PARD3B: variants seen among roughly 807,000 people sequenced by gnomAD.
PARD3B encodes partitioning defective 3 homolog B.
Under a neutral mutation model 130.2 loss-of-function variants are expected in PARD3B, and 103 were observed. The observed-to-expected ratio is 0.79, with a 90% confidence interval of 0.67 to 0.93. The LOEUF (loss-of-function observed/expected upper bound fraction) is 0.93. Among genes scored for constraint, PARD3B ranks in the 40% least tolerant of loss-of-function variants. The pLI, the probability that PARD3B is intolerant of heterozygous loss-of-function variation, is 0.00. For missense variants in PARD3B, 1,609 were observed against 1,499.2 expected (o/e 1.07, Z -1.21); for synonymous variants, 583 against 553.2 (o/e 1.05, Z -0.76).
At chr2:205,519,310 T>G (rs369923164) in intron 21 of PARD3B, among the ~76,000 whole-genome samples, 37 of 152,360 alleles carry the variant, frequency 2.4e-4, no homozygotes, top group African/African-American at 8.9e-4. Context: ...TCTGACTGTC[T>G]TATTTCAAGA....
intron 10 of PARD3B, among the ~76,000 whole-genome samples, chr2:205,145,185 G>T (rs559042329): frequency 3.5e-4 from 54 of 152,160 alleles, no homozygotes; most frequent in Non-Finnish European, 6.9e-4. Flanking sequence ...AGGTGGCTGT[G>T]TAGAACACTC....
Position 204,584,304 on chromosome 2 carries a change from G to A in PARD3B, c.120+38185G>A, listed in dbSNP as rs913307490. 7.2e-5 allele frequency among the ~76,000 whole-genome samples: 11 copies of A among 152,034 alleles called. 1 individual carries two copies. Among genetic ancestry groups the A allele is most frequent in the South Asian group, 4.1e-4 (2 of 4,820 alleles). On this transcript the variant is annotated intron_variant, in intron 1 of 22. Coordinates refer to ENST00000406610, the MANE Select transcript of PARD3B (RefSeq NM_001302769.2). Reference sequence around the variant, plus strand: ...CAGTCTAGCTACTGGGAATTTTTGCGGTAATTGAATATTTAGACATTGAGT... The same window carrying A: ...CAGTCTAGCTACTGGGAATTTTTGCAGTAATTGAATATTTAGACATTGAGT...
At chr2:204,815,079 T>A (rs573264600) in intron 2 of PARD3B, among the ~76,000 whole-genome samples, 8 of 151,896 alleles carry the variant, frequency 5.3e-5, no homozygotes, top group Non-Finnish European at 1.2e-4. Context: ...ATAGAATGAG[T>A]CTTGACTTAT....
intron 21 of PARD3B, among the ~76,000 whole-genome samples, chr2:205,510,985 A>G (rs574151129): frequency 1.4e-4 from 21 of 152,272 alleles, no homozygotes; most frequent in Admixed American, 1.3e-3. Flanking sequence ...CCAAATCTCT[A>G]CTGACTCCCG....
At chr2:205,089,274 G>A (rs1201567434) in intron 4 of PARD3B, among the ~76,000 whole-genome samples, 4 of 151,574 alleles carry the variant, frequency 2.6e-5, no homozygotes, top group Non-Finnish European at 5.9e-5. Flanking sequence ...GAGTTCAAGC[G>A]ATTCTCCTGC....
At position 205,187,512 on chromosome 2, in the gene PARD3B, C is replaced by A. The variant is rs531474257; in HGVS notation, c.2024+1649C>A. 1.3e-5 allele frequency among the ~76,000 whole-genome samples: 2 copies of A among 152,210 alleles called. No individual in the cohort carries two copies. The highest frequency in any genetic ancestry group is 6.5e-5 in the Admixed American group (1 of 15,284). On this transcript the variant is annotated intron_variant, in intron 14 of 22. Coordinates refer to ENST00000406610, the MANE Select transcript of PARD3B (RefSeq NM_001302769.2). This position sits in a 1 kb window ranked among gnomAD's most constrained non-coding sequence, Gnocchi z 4.9. ...AGGACTCTTTGGATACCTTTTAGGG[C>A]AACTGCAGTCAGAGGTACTGAGCAT...
rs557047476 is a variant in PARD3B at position 204,772,438 on chromosome 2, A to G, written c.222+86156A>G. 2.0e-5 allele frequency among the ~76,000 whole-genome samples: 3 copies of G among 152,226 alleles called. No homozygotes were observed. The South Asian group carries it at 6.2e-4, about 32-fold the overall frequency. On this transcript the variant is annotated intron_variant, in intron 2 of 22. Transcript: ENST00000406610. ...CAACTGCAATTGATCCCAATACATT[A>G]GGATCCTGAACTGTAATTAACTATT...
intron 1 of PARD3B, among the ~76,000 whole-genome samples, chr2:204,622,238 A>G (rs1461788008): frequency 6.6e-6 from 1 of 152,228 alleles, no homozygotes; most frequent in Admixed American, 6.5e-5. Flanking sequence ...ACACGCAACC[A>G]GCATTTCTGT....
chr2:204,663,451 T>C (rs2035902673), intron 1 of PARD3B, among the ~76,000 whole-genome samples: 1 of 152,234 alleles, frequency 6.6e-6, no homozygotes, highest in African/African-American at 2.4e-5. Flanking sequence ...TTCTGGAACC[T>C]AAACTCATAC....
At chr2:205,479,408 T>C (rs995871727) in intron 20 of PARD3B, among the ~76,000 whole-genome samples, 16 of 152,196 alleles carry the variant, frequency 1.1e-4, no homozygotes, top group African/African-American at 3.6e-4. Flanking sequence ...TTAGCCACTA[T>C]TGGGGGACTA....
At chr2:204,772,556 A>G (rs753561147) in intron 2 of PARD3B, among the ~76,000 whole-genome samples, 1 of 152,152 alleles carries the variant, frequency 6.6e-6, no homozygotes, top group Non-Finnish European at 1.5e-5. Context: ...TTTAATGTAA[A>G]GAAAGTAGAA....
intron 2 of PARD3B, among the ~76,000 whole-genome samples, chr2:204,866,597 C>T (rs1038540451): frequency 7.9e-5 from 12 of 151,668 alleles, no homozygotes; most frequent in African/African-American, 2.2e-4. Context: ...CAGTCAAAAG[C>T]AGTCATTAAC....
chr2:204,765,746 A>C (rs1483671826), intron 2 of PARD3B, among the ~76,000 whole-genome samples: 1 of 152,104 alleles, frequency 6.6e-6, no homozygotes, highest in East Asian at 1.9e-4. Context: ...CTTAGGCTAC[A>C]AACTAATAAT....
intron 2 of PARD3B, among the ~76,000 whole-genome samples, chr2:204,897,568 T>C (rs1360118184): frequency 6.6e-6 from 1 of 152,108 alleles, no homozygotes. Context: ...GTACTCTTTA[T>C]CCAGTTGCCT....
chr2:205,586,303 C>T (rs1405681110), intron 22 of PARD3B, among the ~76,000 whole-genome samples: 1 of 152,208 alleles, frequency 6.6e-6, no homozygotes, highest in Non-Finnish European at 1.5e-5. Flanking sequence ...CTTTTAGAGA[C>T]TCCGTGACAG....
intron 2 of PARD3B, among the ~76,000 whole-genome samples, chr2:204,899,053 G>T (rs1178538672): frequency 6.8e-5 from 10 of 147,830 alleles, no homozygotes; most frequent in Admixed American, 4.0e-4. Context: ...GGAATATTAG[G>T]TTTTTTTTTT....
At chr2:204,807,868 A>G (rs1241014170) in intron 2 of PARD3B, among the ~76,000 whole-genome samples, 1 of 152,022 alleles carries the variant, frequency 6.6e-6, no homozygotes, top group African/African-American at 2.4e-5. Context: ...GGTAGTGGGG[A>G]TAGAATGAGT....
chr2:205,289,072 C>A (rs1426043350), intron 16 of PARD3B, among the ~76,000 whole-genome samples: 1 of 152,146 alleles, frequency 6.6e-6, no homozygotes, highest in African/African-American at 2.4e-5. Flanking sequence ...CTGTCCCTGG[C>A]ATGGTTATTC....
rs917888220 is a variant in PARD3B at position 204,887,519 on chromosome 2, G to A, written c.223-77633G>A. ...AAGCAAAACACTCAAATTATACCAC[G>A]TTGAAAACATGAAGAGGTGTTTTTA... On this transcript the variant is annotated intron_variant, in intron 2 of 22. Transcript: ENST00000406610. The surrounding 1 kb of genome is among the most constrained non-coding windows in gnomAD (Gnocchi z 4.2). 1.3e-5 allele frequency among the ~76,000 whole-genome samples: 2 copies of A among 152,074 alleles called. No homozygotes were observed. Among genetic ancestry groups the A allele is most frequent in the South Asian group, 4.1e-4 (2 of 4,826 alleles).
Sources: allele counts gnomAD v4.1 joint callset (sites outside exome capture counted in the v4.1 genomes callset), GRCh38; gene constraint gnomAD v4.1.1; non-coding constraint Gnocchi (gnomAD v3.1); transcripts MANE v1.5; gene names NCBI Gene and HGNC (gene_info 2026-07-23, HGNC 2026-07-21).